ZMAT4: variants seen among roughly 807,000 people sequenced by gnomAD.
ZMAT4 encodes zinc finger matrin-type protein 4.
In ZMAT4, 17 loss-of-function variants were observed where a neutral mutation model predicts 28.7. The ratio of observed to expected loss-of-function variants is 0.59; its 90% CI spans 0.41 to 0.89. The LOEUF (loss-of-function observed/expected upper bound fraction) is 0.89, where lower values mean the gene tolerates loss of function less well. ZMAT4 is among the 40% of genes least tolerant of loss of function. The probability of loss-of-function intolerance (pLI) is 0.00; values close to 1 mark genes in which losing one functional copy is unlikely to be tolerated. For synonymous variants in ZMAT4, 117 were observed against 109.2 expected (o/e 1.07, Z -0.44); for missense variants, 240 against 283.8 (o/e 0.85, Z 1.11).
chr8:40,805,740 G>T (rs1051849323), intron 2 of ZMAT4, among the ~76,000 whole-genome samples: 48 of 142,872 alleles, frequency 3.4e-4, no homozygotes, highest in African/African-American at 1.2e-3. Flanking sequence ...ATTGAACAAT[G>T]AGAACACATG....
At position 40,651,654 on chromosome 8, in the gene ZMAT4, A is replaced by C. The variant is rs1283351233; in HGVS notation, c.577+23050T>G. On this transcript the variant is annotated intron_variant, in intron 5 of 6. Transcript: ENST00000297737. ...AAGCCAAAAGAACAAAGCTGGAGGC[A>C]TCACACTACCTGACTTCAAACTATA... Among the ~76,000 whole-genome samples, 4 of 151,636 alleles carry C rather than the reference A, an allele frequency of 2.6e-5. No homozygotes were observed. The South Asian group carries it at 8.4e-4, about 32-fold the overall frequency.
chr8:40,825,638 G>C lies in ZMAT4; in HGVS notation c.39C>G (p.Asp13Glu). Residue 13 changes from aspartate (D) to glutamate (E), a missense_variant, in exon 2 of 7, where the codon GAC (aspartate) becomes GAG (glutamate). Transcript: ENST00000297737. Reference protein sequence around the residue: ...SSDIDQDLFTDSYCKVCSAQL... With the variant: ...SSDIDQDLFTESYCKVCSAQL... ...GTGCACTGCACACCTTGCAGTAACT[G>C]TCTGTGAATAAATCCTGATCAATAT... 1 of 1,555,660 alleles carries C rather than the reference G, an allele frequency of 6.4e-7. No homozygotes were observed. Among genetic ancestry groups the C allele is most frequent in the Non-Finnish European group, 8.7e-7 (1 of 1,148,504 alleles).
rs1813517145 is a variant in ZMAT4 at position 40,774,660 on chromosome 8, A to G, written c.103-6930T>C. On this transcript the variant is annotated intron_variant, in intron 2 of 6. Coordinates refer to ENST00000297737, the MANE Select transcript of ZMAT4 (RefSeq NM_024645.3). Reference sequence around the variant, plus strand: ...TACCAAAGAGCCACTGGCAAGCATAATGATAATATTCAATGACATAGAAAT... The same window carrying G: ...TACCAAAGAGCCACTGGCAAGCATAGTGATAATATTCAATGACATAGAAAT... Among the ~76,000 whole-genome samples, 3 of 143,450 alleles carry G rather than the reference A, an allele frequency of 2.1e-5. No individual in the cohort carries two copies. The South Asian group carries it at 6.8e-4, about 33-fold the overall frequency. The allele number at this position is 143,450 out of a possible 152,430, so 94.1% of individuals were successfully genotyped here. A position where few individuals can be genotyped will look rare whatever the true frequency, so the allele number is the denominator to read the frequency against.
chr8:40,806,088 T>A (rs1418056469), intron 2 of ZMAT4, among the ~76,000 whole-genome samples: 1 of 152,312 alleles, frequency 6.6e-6, no homozygotes, highest in South Asian at 2.1e-4. Flanking sequence ...TTATACCTGG[T>A]AAAATACGTG....
chr8:40,614,995 T>C (rs1015239019), intron 5 of ZMAT4, among the ~76,000 whole-genome samples: 1 of 152,230 alleles, frequency 6.6e-6, no homozygotes, highest in African/African-American at 2.4e-5. Context: ...TTTTGCTCTT[T>C]AGTTGATGCA....
intron 1 of ZMAT4, among the ~76,000 whole-genome samples, chr8:40,882,975 C>A (rs751799876): frequency 2.0e-5 from 3 of 152,172 alleles, no homozygotes; most frequent in African/African-American, 2.4e-5. Context: ...TGGCACTCAA[C>A]CTTGCCGTCT....
intron 6 of ZMAT4, among the ~76,000 whole-genome samples, chr8:40,562,786 C>T (rs1005895438): frequency 5.9e-5 from 9 of 152,106 alleles, no homozygotes; most frequent in Admixed American, 5.2e-4. Flanking sequence ...TTGTTCTACA[C>T]CTTCCTTCTT....
intron 5 of ZMAT4, among the ~76,000 whole-genome samples, chr8:40,625,790 G>A (rs977883687): frequency 2.0e-5 from 3 of 151,798 alleles, no homozygotes; most frequent in African/African-American, 4.8e-5. Context: ...AGCCAGGTGA[G>A]TAAATTTGTT....
chr8:40,717,897 ATAC>A lies in ZMAT4; in HGVS notation c.193-20499_193-20497del, dbSNP rs200260000. Reference sequence around the variant, plus strand: ...TGCAGAAAGTACAGTAAGTTCCCACATACTGTTGTTCTCTGTTTCCCCTCCTGT... The same window carrying A: ...TGCAGAAAGTACAGTAAGTTCCCACATGTTGTTCTCTGTTTCCCCTCCTGT... On this transcript the variant is annotated intron_variant, in intron 3 of 6. Coordinates refer to ENST00000297737, the MANE Select transcript of ZMAT4 (RefSeq NM_024645.3). Among the ~76,000 whole-genome samples the A allele has an allele frequency of 8.2e-3, 779 of 94,916 alleles. 4 individuals are homozygous for A. The highest frequency in any genetic ancestry group is 0.012 in the Non-Finnish European group (556 of 47,632). The allele number at this position is 94,916 out of a possible 152,430, so 62.3% of individuals were successfully genotyped here.
chr8:40,623,192 G>T (rs1806258262), intron 5 of ZMAT4, among the ~76,000 whole-genome samples: 1 of 152,118 alleles, frequency 6.6e-6, no homozygotes, highest in African/African-American at 2.4e-5. Flanking sequence ...GAGGGCAGAG[G>T]GAAAGTCACT....
intron 1 of ZMAT4, among the ~76,000 whole-genome samples, chr8:40,883,723 C>A (rs1189087622): frequency 6.6e-6 from 1 of 152,178 alleles, no homozygotes; most frequent in Non-Finnish European, 1.5e-5. Context: ...CCTAACTCCC[C>A]CTGAGCCCAG....
chr8:40,628,396 A>AT (rs1249302738), intron 5 of ZMAT4, among the ~76,000 whole-genome samples: 1 of 152,164 alleles, frequency 6.6e-6, no homozygotes, highest in African/African-American at 2.4e-5. Context: ...ACATTCTTTC[A>AT]TTTTGTCTTC....
chr8:40,746,405 C>T lies in ZMAT4; in HGVS notation c.192+21236G>A, dbSNP rs1293753043. 3.7e-5 allele frequency among the ~76,000 whole-genome samples: 5 copies of T among 133,396 alleles called. No homozygotes were observed. The South Asian group carries it at 7.2e-4, about 19-fold the overall frequency. The allele number at this position is 133,396 out of a possible 152,430, so 87.5% of individuals were successfully genotyped here. On this transcript the variant is annotated intron_variant, in intron 3 of 6. Coordinates refer to ENST00000297737, the MANE Select transcript of ZMAT4 (RefSeq NM_024645.3). ...TTTTTTGACAGTCTCGCTCTCTTGC[C>T]GAGGCTGGAGTGCAATGGCGCAATC...
intron 3 of ZMAT4, among the ~76,000 whole-genome samples, chr8:40,747,707 C>T (rs557124309): frequency 6.6e-6 from 1 of 152,232 alleles, no homozygotes; most frequent in South Asian, 2.1e-4. Flanking sequence ...GGCCACAATT[C>T]CATCTTGAAT....
At chr8:40,876,101 G>A (rs1313796149) in intron 1 of ZMAT4, among the ~76,000 whole-genome samples, 1 of 152,110 alleles carries the variant, frequency 6.6e-6, no homozygotes, top group Non-Finnish European at 1.5e-5. Context: ...CTTAGTGAAA[G>A]CAGGGGGAAA....
At chr8:40,691,385 C>T (rs1001829515) in intron 4 of ZMAT4, among the ~76,000 whole-genome samples, 8 of 142,944 alleles carry the variant, frequency 5.6e-5, no homozygotes, top group Non-Finnish European at 9.0e-5. Flanking sequence ...GTGCAAAACA[C>T]GTGACACTAA....
chr8:40,591,182 G>A (rs747466942), intron 5 of ZMAT4, among the ~76,000 whole-genome samples: 2 of 152,134 alleles, frequency 1.3e-5, no homozygotes, highest in Non-Finnish European at 2.9e-5. Flanking sequence ...ACACTTAGGT[G>A]GCGTCTAAAA....
intron 2 of ZMAT4, among the ~76,000 whole-genome samples, chr8:40,824,820 A>G (rs1022760316): frequency 1.3e-5 from 2 of 152,212 alleles, no homozygotes; most frequent in Non-Finnish European, 2.9e-5. Flanking sequence ...TGTTCTTTTG[A>G]AAACAGAACA....
intron 5 of ZMAT4, among the ~76,000 whole-genome samples, chr8:40,607,616 T>C (rs1363577682): frequency 6.6e-6 from 1 of 152,150 alleles, no homozygotes; most frequent in Admixed American, 6.5e-5. Flanking sequence ...TTTAGTCATA[T>C]TACCAGAATT....
Sources: gnomAD v4.1 joint callset for allele counts (sites outside exome capture counted in the v4.1 genomes callset) on GRCh38, gnomAD v4.1.1 for gene constraint, MANE v1.5 for transcripts, NCBI Gene and HGNC (gene_info 2026-07-23, HGNC 2026-07-21) for gene names.